The following MBNL2 variants were observed in gnomAD, a reference collection of about 807,000 sequenced individuals.
MBNL2 encodes the protein muscleblind-like protein 2.
MBNL2 carries 17 observed loss-of-function variants against 41.9 expected under a neutral mutation model. The observed-to-expected ratio is 0.41, with a 90% confidence interval of 0.28 to 0.61. The LOEUF is 0.61. Among genes scored for constraint, MBNL2 ranks in the 20% least tolerant of loss-of-function variants. MBNL2 has a pLI of 0.35. For missense variants in MBNL2, 336 were observed against 505.6 expected, an observed-to-expected ratio of 0.66 and a Z score of 3.22; for synonymous variants, 195 against 182.9, an observed-to-expected ratio of 1.07 and a Z score of -0.53.
rs763904189 is a variant in MBNL2, at chr13:97,347,079, C to G, written c.804+12C>G. Reference sequence around the variant, plus strand: ...CGGCCACAGTCATGGTAAGTGCGGCCGCCCGCCGCCCCTGCACCCCGGCGC... The same window carrying G: ...CGGCCACAGTCATGGTAAGTGCGGCGGCCCGCCGCCCCTGCACCCCGGCGC... On this transcript the variant is annotated intron_variant, in intron 5 of 8. Coordinates refer to ENST00000679496, the MANE Select transcript of MBNL2 (RefSeq NM_001382683.1). The G allele has an allele frequency of 2.6e-6, 4 of 1,526,470 alleles. No homozygotes were observed. In the South Asian group the frequency reaches 3.7e-5, roughly 14 times the overall value. The allele number at this position is 1,526,470 out of a possible 1,614,324, so 94.6% of individuals were successfully genotyped here.
chr13:97,240,530 G>C (rs967140232), intron 1 of MBNL2, among the ~76,000 whole-genome samples: 1 of 152,186 alleles, frequency 6.6e-6, no homozygotes, highest in Admixed American at 6.5e-5. Context: ...GAATGCTATA[G>C]ACCCTCTAAG....
At chr13:97,384,170 G>A (rs1266712752) in intron 8 of MBNL2, among the ~76,000 whole-genome samples, 1 of 151,942 alleles carries the variant, frequency 6.6e-6, no homozygotes, top group Non-Finnish European at 1.5e-5. Flanking sequence ...CAAAGTGCTG[G>A]GATTACAAGC....
intron 5 of MBNL2, among the ~76,000 whole-genome samples, chr13:97,348,490 T>C (rs2062108870): frequency 6.6e-6 from 1 of 152,194 alleles, no homozygotes; most frequent in South Asian, 2.1e-4. Context: ...CAGAAGTCTA[T>C]GTTAATATGT....
At chr13:97,329,664 C>CACACACCCCAT in intron 2 of MBNL2, among the ~76,000 whole-genome samples, 1 of 151,538 alleles carries the variant, frequency 6.6e-6, no homozygotes, top group Non-Finnish European at 1.5e-5. Flanking sequence ...ACACATGCAG[C>CACACACCCCAT]ACACATACAA....
At chr13:97,245,855 C>T (rs2045357516) in intron 1 of MBNL2, among the ~76,000 whole-genome samples, 1 of 152,132 alleles carries the variant, frequency 6.6e-6, no homozygotes. Flanking sequence ...GAGCCAAGTC[C>T]ATGCAGCAGC....
At chr13:97,362,433 A>G (rs9584563) in intron 7 of MBNL2, among the ~76,000 whole-genome samples, 16,636 of 152,264 alleles carry the variant, frequency 0.11, 965 homozygotes, top group East Asian at 0.19. Flanking sequence ...GAAGTGACAT[A>G]TACCCTGAGA....
chr13:97,228,101 G>T (rs1035615010), intron 1 of MBNL2, among the ~76,000 whole-genome samples: 1 of 152,194 alleles, frequency 6.6e-6, no homozygotes, highest in Non-Finnish European at 1.5e-5. Context: ...TCAAGGGCAT[G>T]TGTTAGAAAC....
At chr13:97,181,030 T>C in the MBNL2 span, among the ~76,000 whole-genome samples, 414 of 152,142 alleles carry the variant, frequency 2.7e-3, 1 homozygote, top group Non-Finnish European at 4.1e-3. Context: ...GTCTCCTTCT[T>C]CCATCTTGAA....
the MBNL2 span, among the ~76,000 whole-genome samples, chr13:97,188,816 T>C: frequency 6.6e-6 from 1 of 152,146 alleles, no homozygotes; most frequent in African/African-American, 2.4e-5. Context: ...ACTGTCATAC[T>C]CCGTTGTCCA....
chr13:97,203,533 C>T, the MBNL2 span, among the ~76,000 whole-genome samples: 1 of 152,136 alleles, frequency 6.6e-6, no homozygotes, highest in African/African-American at 2.4e-5. Context: ...TTTCCTCTAC[C>T]TCAAAAGCTG....
chr13:97,172,732 A>T, the MBNL2 span: 1 of 152,216 alleles, frequency 6.6e-6, no homozygotes, highest in Non-Finnish European at 1.5e-5. Flanking sequence ...TGGTGGCTTC[A>T]TCACCATCAG....
chr13:97,317,233 G>A (rs967745549), intron 2 of MBNL2, among the ~76,000 whole-genome samples: 4 of 152,160 alleles, frequency 2.6e-5, no homozygotes, highest in Non-Finnish European at 5.9e-5. Flanking sequence ...TTCCAGGGCC[G>A]GGGATCATAT....
At chr13:97,142,067 C>A in the MBNL2 span, among the ~76,000 whole-genome samples, 2 of 151,934 alleles carry the variant, frequency 1.3e-5, no homozygotes. Context: ...GACTAGCAAC[C>A]GATAGAAATT....
At chr13:97,255,753 T>C (rs1359701091) in intron 1 of MBNL2, among the ~76,000 whole-genome samples, 2 of 152,204 alleles carry the variant, frequency 1.3e-5, no homozygotes, top group East Asian at 1.9e-4. Context: ...TGTGTTTAGA[T>C]ATAACACAGG....
At chr13:97,252,083 C>T (rs1435154331) in intron 1 of MBNL2, among the ~76,000 whole-genome samples, 2 of 151,772 alleles carry the variant, frequency 1.3e-5, no homozygotes, top group African/African-American at 4.8e-5. Flanking sequence ...ATCTCCTGAC[C>T]TCATGATCCA....
At chr13:97,150,630 A>C in the MBNL2 span, among the ~76,000 whole-genome samples, 1 of 152,202 alleles carries the variant, frequency 6.6e-6, no homozygotes, top group Non-Finnish European at 1.5e-5. Flanking sequence ...CCTCAGTTGC[A>C]GTCTTGACCA....
At chr13:97,293,765 CT>C (rs1487583772) in intron 2 of MBNL2, among the ~76,000 whole-genome samples, 4 of 151,954 alleles carry the variant, frequency 2.6e-5, no homozygotes, top group Non-Finnish European at 5.9e-5. Flanking sequence ...TGCAATTAAC[CT>C]TTTTTTCAAT....
the MBNL2 span, among the ~76,000 whole-genome samples, chr13:97,216,315 C>T: frequency 8.2e-3 from 1,254 of 152,214 alleles, 16 homozygotes; most frequent in African/African-American, 0.029. Flanking sequence ...ACTCCATGTT[C>T]GGCATTGTGG....
rs2060741829 is a variant in MBNL2, at chr13:97,334,858, A to C, written c.339+418A>C. ...GGATGAGGAAATTGAGAAACCAGAG[A>C]AGTTCAATGATTTTCCGCAATGTCA... On this transcript the variant is annotated intron_variant, in intron 3 of 8. Coordinates refer to ENST00000679496, the MANE Select transcript of MBNL2 (RefSeq NM_001382683.1). This position sits in a 1 kb window ranked among gnomAD's most constrained non-coding sequence, Gnocchi z 5.3. Among the ~76,000 whole-genome samples, 1 of 152,214 alleles carries C rather than the reference A, an allele frequency of 6.6e-6. No individual in the cohort carries two copies. Among genetic ancestry groups the C allele is most frequent in the African/African-American group, 2.4e-5 (1 of 41,460 alleles).
Sources: allele counts gnomAD v4.1 joint callset (sites outside exome capture counted in the v4.1 genomes callset), GRCh38; gene constraint gnomAD v4.1.1; non-coding constraint Gnocchi (gnomAD v3.1); transcripts MANE v1.5; gene names NCBI Gene and HGNC (gene_info 2026-07-23, HGNC 2026-07-21).